Variants in MACROD2 observed in about 807,000 individuals in gnomAD.
MACROD2 encodes ADP-ribose glycohydrolase MACROD2.
In MACROD2, 36 loss-of-function variants were observed where a neutral mutation model predicts 70.4. The ratio of observed to expected loss-of-function variants is 0.51; its 90% CI spans 0.39 to 0.68. MACROD2 has a LOEUF of 0.68. Ranked by LOEUF, MACROD2 falls within the 30% of genes least tolerant of loss-of-function variation. The pLI, the probability that MACROD2 is intolerant of heterozygous loss-of-function variation, is 0.00. For missense variants in MACROD2, 496 were observed against 538.4 expected (o/e 0.92, Z 0.78); for synonymous variants, 172 against 178.8 (o/e 0.96, Z 0.30).
At chr20:14,372,265 A>G (rs1209876080) in intron 3 of MACROD2, among the ~76,000 whole-genome samples, 1 of 152,206 alleles carries the variant, frequency 6.6e-6, no homozygotes, top group African/African-American at 2.4e-5. Flanking sequence ...ATATGTATGC[A>G]AAATAAGTCT....
intron 5 of MACROD2, among the ~76,000 whole-genome samples, chr20:14,815,769 TTG>T (rs1244113144): frequency 2.0e-5 from 3 of 152,056 alleles, no homozygotes; most frequent in Admixed American, 6.6e-5. Context: ...GTAACATTTT[TTG>T]TTTTTTATTT....
At chr20:14,758,303 G>C (rs146974395) in intron 5 of MACROD2, among the ~76,000 whole-genome samples, 1 of 151,876 alleles carries the variant, frequency 6.6e-6, no homozygotes, top group African/African-American at 2.4e-5. Context: ...ATCCATTTTA[G>C]GATAATTTCA....
chr20:15,255,591 A>G (rs1423246487), intron 6 of MACROD2, among the ~76,000 whole-genome samples: 1 of 152,106 alleles, frequency 6.6e-6, no homozygotes, highest in Non-Finnish European at 1.5e-5. Flanking sequence ...TTGATAACAT[A>G]AGAGCTCTGG....
At chr20:15,439,517 A>G (rs1600413069) in intron 7 of MACROD2, among the ~76,000 whole-genome samples, 1 of 152,092 alleles carries the variant, frequency 6.6e-6, no homozygotes, top group Non-Finnish European at 1.5e-5. Flanking sequence ...GGTGCTCAGG[A>G]CCCTGGCAGC....
intron 4 of MACROD2, among the ~76,000 whole-genome samples, chr20:14,677,228 A>G (rs2070872709): frequency 1.3e-5 from 2 of 152,122 alleles, no homozygotes; most frequent in Admixed American, 6.6e-5. Context: ...TTCATGTCCT[A>G]TTTCTTTTGC....
At chr20:15,359,863 T>A (rs2078331803) in intron 6 of MACROD2, among the ~76,000 whole-genome samples, 1 of 152,184 alleles carries the variant, frequency 6.6e-6, no homozygotes, top group Non-Finnish European at 1.5e-5. Context: ...AACTAGGAAA[T>A]TGACATTGGT....
At chr20:14,891,776 A>G (rs549268993) in intron 5 of MACROD2, among the ~76,000 whole-genome samples, 130 of 152,292 alleles carry the variant, frequency 8.5e-4, no homozygotes, top group Non-Finnish European at 1.3e-3. Context: ...AGAACCATAT[A>G]TAGCAACAAT....
chr20:15,182,658 A>G (rs561461003), intron 5 of MACROD2, among the ~76,000 whole-genome samples: 3 of 152,292 alleles, frequency 2.0e-5, no homozygotes, highest in Admixed American at 6.5e-5. Flanking sequence ...CTTTCTATCA[A>G]TATTTTAGGA....
rs1171524445 is a variant in MACROD2 at position 14,037,887 on chromosome 20, A to G, written c.163+35483A>G. ...AAAATTAGCCCAGCATGGTGGTGCG[A>G]GCCTGTAGCCTCGGCTACTCAGGAG... On this transcript the variant is annotated intron_variant, in intron 2 of 17. Coordinates refer to ENST00000684519, the MANE Select transcript of MACROD2 (RefSeq NM_001351661.2). 4.0e-5 allele frequency among the ~76,000 whole-genome samples: 6 copies of G among 151,624 alleles called. No individual in the cohort carries two copies. In the East Asian group the frequency reaches 9.6e-4, roughly 24 times the overall value.
chr20:15,087,676 T>G (rs933560656), intron 5 of MACROD2, among the ~76,000 whole-genome samples: 5 of 151,960 alleles, frequency 3.3e-5, no homozygotes, highest in Admixed American at 2.6e-4. Flanking sequence ...AGACATTGAT[T>G]AAAAAGGTGC....
At position 15,543,422 on chromosome 20, in the gene MACROD2, GC is replaced by G. The variant is rs2047984162; in HGVS notation, c.645+43577del. ...CTCTAGTTATTGTTATTTTAATGGTGCCACACACAGGTGATCAAGGTTTCAG... is the reference window on the plus strand; with the variant it reads ...CTCTAGTTATTGTTATTTTAATGGTGCACACACAGGTGATCAAGGTTTCAG... On this transcript the variant is annotated intron_variant, in intron 8 of 17. Transcript: ENST00000684519. 1.2e-4 allele frequency among the ~76,000 whole-genome samples: 18 copies of G among 152,244 alleles called. No individual in the cohort carries two copies. In the South Asian group the frequency reaches 3.7e-3, roughly 32 times the overall value.
At chr20:15,764,280 G>A (rs1156876887) in intron 8 of MACROD2, among the ~76,000 whole-genome samples, 1 of 152,084 alleles carries the variant, frequency 6.6e-6, no homozygotes, top group Non-Finnish European at 1.5e-5. Context: ...ATCTGATTAA[G>A]ATGAACACTG....
chr20:16,031,911 A>G (rs1042544217), intron 15 of MACROD2, among the ~76,000 whole-genome samples: 4 of 152,110 alleles, frequency 2.6e-5, no homozygotes, highest in Non-Finnish European at 4.4e-5. Flanking sequence ...AAGAGCAAAG[A>G]GAGAGAATGA....
intron 5 of MACROD2, among the ~76,000 whole-genome samples, chr20:15,140,386 C>T (rs567355237): frequency 5.3e-5 from 8 of 152,138 alleles, no homozygotes; most frequent in African/African-American, 1.9e-4. Context: ...TTCAAAATTT[C>T]CTTAGTCTGT....
chr20:15,551,931 T>G (rs1600577502), intron 8 of MACROD2, among the ~76,000 whole-genome samples: 1 of 152,152 alleles, frequency 6.6e-6, no homozygotes, highest in Non-Finnish European at 1.5e-5. Context: ...CCTTTTTTAT[T>G]TATGATAATT....
chr20:15,436,296 G>A (rs2046427124), intron 7 of MACROD2, among the ~76,000 whole-genome samples: 1 of 152,132 alleles, frequency 6.6e-6, no homozygotes, highest in Non-Finnish European at 1.5e-5. Context: ...AATCATGGTG[G>A]AAGGCAAGGA....
Position 14,684,854 on chromosome 20 carries a change from A to G in MACROD2, c.313A>G (p.Ile105Val). The change falls in exon 5 of 18, where the codon ATT becomes GTT. Residue 105 changes from isoleucine to valine, a missense_variant. Coordinates refer to ENST00000684519, the MANE Select transcript of MACROD2 (RefSeq NM_001351661.2). ...TCTTTCTCCCTTAGTGGATGGCTGT[A>G]TTCATAGAGCAGCCGGCCCCTGTTT... ...LLGGGGVDGC[I>V]HRAAGPCLLA... The G allele has an allele frequency of 6.2e-7, 1 of 1,613,728 alleles. No individual in the cohort carries two copies. The highest frequency in any genetic ancestry group is 2.2e-5 in the East Asian group (1 of 44,868).
In MACROD2 at chr20:15,569,106, T is replaced by G. The variant is rs575296239; in HGVS notation, c.645+69259T>G. 1.4e-3 allele frequency among the ~76,000 whole-genome samples: 220 copies of G among 152,258 alleles called. 1 individual carries two copies. Among genetic ancestry groups the G allele is most frequent in the African/African-American group, 5.1e-3 (213 of 41,556 alleles). ...TTGTAGAGAAGGATGAGGGAGGGTC[T>G]TCTGGTTAACTCCTGCCCTGAATGG... On this transcript the variant is annotated intron_variant, in intron 8 of 17. Coordinates refer to ENST00000684519, the MANE Select transcript of MACROD2 (RefSeq NM_001351661.2).
intron 2 of MACROD2, among the ~76,000 whole-genome samples, chr20:14,015,014 C>A (rs1172234810): frequency 6.8e-6 from 1 of 146,138 alleles, no homozygotes; most frequent in Non-Finnish European, 1.5e-5. Context: ...CCATGTTGCA[C>A]AGGCTAGTCT....
Sources: gnomAD v4.1 joint callset for allele counts (sites outside exome capture counted in the v4.1 genomes callset) on GRCh38, gnomAD v4.1.1 for gene constraint, MANE v1.5 for transcripts, NCBI Gene and HGNC (gene_info 2026-07-23, HGNC 2026-07-21) for gene names.